MAPRE2: variants seen among roughly 807,000 people sequenced by gnomAD.
The protein encoded by MAPRE2 is microtubule-associated protein RP/EB family member 2.
A neutral mutation model predicts 43.2 loss-of-function variants in MAPRE2; 13 were observed. The observed-to-expected ratio is 0.30, with a 90% CI of 0.20 to 0.48. The LOEUF is 0.48. Among genes scored for constraint, MAPRE2 ranks in the 20% least tolerant of loss-of-function variants. The probability of loss-of-function intolerance (pLI) is 0.99; values close to 1 mark genes in which losing one functional copy is unlikely to be tolerated. For missense variants in MAPRE2, 161 were observed against 400.2 expected (o/e 0.40, Z 5.10); for synonymous variants, 135 against 148.8 (o/e 0.91, Z 0.68).
chr18:35,053,946 T>C (rs954224288), intron 1 of MAPRE2, among the ~76,000 whole-genome samples: 1 of 152,170 alleles, frequency 6.6e-6, no homozygotes, highest in Non-Finnish European at 1.5e-5. Context: ...AGTAAACATT[T>C]TAAAAACTAA....
intron 2 of MAPRE2, among the ~76,000 whole-genome samples, chr18:35,030,744 C>T (rs987050139): frequency 6.6e-6 from 1 of 151,836 alleles, no homozygotes; most frequent in Non-Finnish European, 1.5e-5. Context: ...TTACAACAGA[C>T]TTTAAAAGCC....
chr18:35,101,582 C>T (rs770120234), intron 3 of MAPRE2, among the ~76,000 whole-genome samples: 1 of 152,154 alleles, frequency 6.6e-6, no homozygotes, highest in Non-Finnish European at 1.5e-5. Context: ...ACTCTCCATG[C>T]CTATGAATTC....
chr18:35,120,880 A>G (rs116330950), intron 4 of MAPRE2, among the ~76,000 whole-genome samples: 2,113 of 152,272 alleles, frequency 0.014, 52 homozygotes, highest in African/African-American at 0.048. Flanking sequence ...GTTTTCTTCA[A>G]TTGAGTGAGA....
intron 2 of MAPRE2, among the ~76,000 whole-genome samples, chr18:35,022,253 T>G (rs556939964): frequency 6.6e-6 from 1 of 152,158 alleles, no homozygotes; most frequent in Non-Finnish European, 1.5e-5. Context: ...AGAATCCAAT[T>G]ACAAGAAGTA....
At chr18:35,070,160 TC>T in intron 1 of MAPRE2, 34 bp from the exon 2 acceptor site, 1 of 1,561,614 alleles carries the variant, frequency 6.4e-7, no homozygotes, top group Middle Eastern at 1.7e-4. Context: ...TGAGTTAATT[TC>T]CTTGTTGTTA....
At chr18:35,089,584 C>T (rs904157493) in intron 2 of MAPRE2, among the ~76,000 whole-genome samples, 10 of 152,258 alleles carry the variant, frequency 6.6e-5, no homozygotes, top group African/African-American at 2.4e-4. Context: ...ATAGGGAAAT[C>T]AAAGCAAAAC....
intron 4 of MAPRE2, among the ~76,000 whole-genome samples, chr18:35,111,496 C>G (rs1159371417): frequency 6.6e-6 from 1 of 151,986 alleles, no homozygotes; most frequent in Non-Finnish European, 1.5e-5. Context: ...TGGGTTATGT[C>G]TTAGTTATTG....
At chr18:34,987,744 G>A (rs964560942) in intron 1 of MAPRE2, among the ~76,000 whole-genome samples, 9 of 152,226 alleles carry the variant, frequency 5.9e-5, no homozygotes, top group Non-Finnish European at 1.2e-4. Flanking sequence ...CCAGGCTCAA[G>A]TGATCCTCCC....
chr18:34,981,444 A>G (rs2097016158), intron 1 of MAPRE2, among the ~76,000 whole-genome samples: 1 of 152,166 alleles, frequency 6.6e-6, no homozygotes, highest in Non-Finnish European at 1.5e-5. Flanking sequence ...AGAGTATGAT[A>G]TATACCTAGC....
At chr18:34,977,635 G>T (rs1004564176) in intron 1 of MAPRE2, among the ~76,000 whole-genome samples, 1 of 152,176 alleles carries the variant, frequency 6.6e-6, no homozygotes, top group Non-Finnish European at 1.5e-5. Flanking sequence ...CTTCCCCTTC[G>T]GCAGCCACCA....
intron 1 of MAPRE2, among the ~76,000 whole-genome samples, chr18:34,981,576 A>G (rs917115244): frequency 4.6e-5 from 7 of 152,184 alleles, no homozygotes; most frequent in African/African-American, 1.7e-4. Flanking sequence ...CCTTAAATTT[A>G]TATAGCCCTT....
At chr18:35,114,443 T>C (rs1909318516) in intron 4 of MAPRE2, among the ~76,000 whole-genome samples, 1 of 152,224 alleles carries the variant, frequency 6.6e-6, no homozygotes, top group Non-Finnish European at 1.5e-5. Flanking sequence ...ACTGTAGAGT[T>C]ACTGTCTACA....
At chr18:35,124,074 T>A (rs1425196111) in intron 4 of MAPRE2, among the ~76,000 whole-genome samples, 1 of 152,072 alleles carries the variant, frequency 6.6e-6, no homozygotes, top group Admixed American at 6.5e-5. Flanking sequence ...ACTTGCATGG[T>A]GTATTAGTTC....
At chr18:35,028,841 G>A (rs534322885) in intron 2 of MAPRE2, among the ~76,000 whole-genome samples, 2 of 152,220 alleles carry the variant, frequency 1.3e-5, no homozygotes, top group Non-Finnish European at 2.9e-5. Context: ...TGGGAATGGC[G>A]TGAAGACAGG....
chr18:34,998,323 CTTTT>C (rs11339291), intron 1 of MAPRE2, among the ~76,000 whole-genome samples: 1 of 120,738 alleles, frequency 8.3e-6, no homozygotes. Flanking sequence ...TTTTCTCTCT[CTTTT>C]TTTTTTTTTT....
chr18:35,138,386 C>G (rs1361697438), intron 6 of MAPRE2, among the ~76,000 whole-genome samples: 2 of 152,178 alleles, frequency 1.3e-5, no homozygotes, highest in African/African-American at 4.8e-5. Flanking sequence ...ACAGGGTGGT[C>G]ATGGGGTAGG....
upstream of MAPRE2, among the ~76,000 whole-genome samples, chr18:35,037,878 T>C (rs928245966): frequency 2.0e-5 from 3 of 152,174 alleles, no homozygotes; most frequent in East Asian, 3.9e-4. Flanking sequence ...TGTAGGAATA[T>C]GTGAGTGGGG....
At chr18:35,063,316 C>G (rs949678719) in intron 1 of MAPRE2, among the ~76,000 whole-genome samples, 1 of 151,886 alleles carries the variant, frequency 6.6e-6, no homozygotes, top group Admixed American at 6.6e-5. Context: ...ACCGTGTTAG[C>G]CAGGATGGTC....
In MAPRE2 at chr18:35,141,481, C is replaced by A. The variant is rs1400961133; in HGVS notation, c.*1112C>A. ...ACAGCACAGAAAAATCTATGACTCC[C>A]AATATCTTCTAGAATAAAGAATTTT... On this transcript the variant is annotated 3_prime_UTR_variant, in exon 7 of 7. Coordinates refer to ENST00000300249, the MANE Select transcript of MAPRE2 (RefSeq NM_014268.4). The A allele has an allele frequency of 1.3e-5, 2 of 152,174 alleles. No homozygotes were observed. The highest frequency in any genetic ancestry group is 4.8e-5 in the African/African-American group (2 of 41,440). 9.4% of individuals were successfully genotyped at this position (152,174 alleles called of 1,614,324 possible). A position where few individuals can be genotyped will look rare whatever the true frequency, so the allele number is the denominator to read the frequency against.
Sources: gnomAD v4.1 joint callset for allele counts (sites outside exome capture counted in the v4.1 genomes callset) on GRCh38, gnomAD v4.1.1 for gene constraint, MANE v1.5 for transcripts, NCBI Gene and HGNC (gene_info 2026-07-23, HGNC 2026-07-21) for gene names.